Variants in HOMER1 observed in about 807,000 individuals in gnomAD.
The protein encoded by HOMER1 is homer scaffold protein 1.
In HOMER1, 3 loss-of-function variants were observed where a neutral mutation model predicts 48.9. The observed-to-expected ratio is 0.06, with a 90% CI of 0.03 to 0.16. The LOEUF (loss-of-function observed/expected upper bound fraction) is 0.16, where lower values mean the gene tolerates loss of function less well. HOMER1 is among the 10% of genes least tolerant of loss of function. The pLI is 1.00. For missense variants in HOMER1, 247 were observed against 411.4 expected, an observed-to-expected ratio of 0.60 and a Z score of 3.46; for synonymous variants, 134 against 146.4, an observed-to-expected ratio of 0.92 and a Z score of 0.61.
chr5:79,451,635 G>A (rs559603533), intron 2 of HOMER1, among the ~76,000 whole-genome samples: 12 of 136,640 alleles, frequency 8.8e-5, no homozygotes, highest in East Asian at 4.6e-4. Context: ...GCGTGATCTC[G>A]GCTAACTGCA....
chr5:79,427,612 ACCTTCCTT>A (rs1193230008), intron 5 of HOMER1, among the ~76,000 whole-genome samples: 2 of 151,598 alleles, frequency 1.3e-5, no homozygotes, highest in East Asian at 3.9e-4. Flanking sequence ...TATGTTTACA[ACCTTCCTT>A]CCTTCCTTTC....
At chr5:79,468,282 A>C (rs2112320509) in intron 1 of HOMER1, among the ~76,000 whole-genome samples, 1 of 152,334 alleles carries the variant, frequency 6.6e-6, no homozygotes, top group Admixed American at 6.5e-5. Flanking sequence ...ATGTGAATCT[A>C]CTTTTTCCAA....
At chr5:79,397,033 T>A in intron 7 of HOMER1, 130 bp from the exon 8 acceptor site, 2 of 577,918 alleles carry the variant, frequency 3.5e-6, no homozygotes, top group Non-Finnish European at 6.0e-6. Flanking sequence ...CATATTGACT[T>A]TTAGAGGGAT....
intron 1 of HOMER1, among the ~76,000 whole-genome samples, chr5:79,498,158 T>C (rs1028065402): frequency 6.6e-6 from 1 of 152,144 alleles, no homozygotes; most frequent in South Asian, 2.1e-4. Context: ...CCCTGCACTT[T>C]GGGAGGCTGA....
At chr5:79,406,147 C>T (rs559884581) in intron 5 of HOMER1, among the ~76,000 whole-genome samples, 16 of 152,148 alleles carry the variant, frequency 1.1e-4, no homozygotes, top group Admixed American at 2.6e-4. Context: ...TATTTTAAAA[C>T]GCTTGACTGT....
Position 79,456,885 on chromosome 5 carries a change from T to C in HOMER1, c.139A>G (p.Ile47Val). ...FYDSTRNVYR[I>V]ISLDGSKAII... The stretch of plus-strand genomic sequence containing the variant: ...ACCTTTGAGCCATCTAAACTGATTA[T>C]CCTATACACATTTCTTGTGCTGTCA... The change falls in exon 2 of 9, where the codon ATA becomes GTA. Residue 47 changes from isoleucine (I) to valine (V), a missense_variant. Around this residue, in one of 4 missense-constraint regions of HOMER1, gnomAD observed 38 missense variants for 114.9 expected, o/e 0.33. Transcript: ENST00000334082. 4 of 1,614,112 alleles carry C rather than the reference T, an allele frequency of 2.5e-6. No individual in the cohort carries two copies. Among genetic ancestry groups the C allele is most frequent in the South Asian group, 2.2e-5 (2 of 91,078 alleles).
intron 5 of HOMER1, among the ~76,000 whole-genome samples, chr5:79,434,873 C>T (rs1168147602): frequency 6.6e-6 from 1 of 152,052 alleles, no homozygotes; most frequent in Non-Finnish European, 1.5e-5. Context: ...TCTATAATGC[C>T]ACTGAATCAG....
intron 8 of HOMER1, among the ~76,000 whole-genome samples, chr5:79,390,995 A>G (rs530057446): frequency 6.6e-6 from 1 of 152,270 alleles, no homozygotes; most frequent in East Asian, 1.9e-4. Context: ...AAAGAATGAA[A>G]AAAAGGAATT....
intron 1 of HOMER1, among the ~76,000 whole-genome samples, chr5:79,508,850 C>T (rs1239851011): frequency 6.6e-6 from 1 of 152,184 alleles, no homozygotes; most frequent in African/African-American, 2.4e-5. Flanking sequence ...AAAGTATAAA[C>T]TCACTAAGGG....
In HOMER1 at chr5:79,373,294, T is replaced by C. The variant is rs1748680435; in HGVS notation, c.*2715A>G. On this transcript the variant is annotated 3_prime_UTR_variant, in exon 9 of 9. Transcript: ENST00000334082. ...GTATTTCAAAATAAAAACTGTATTT[T>C]TGCTTTTCTTTTTTTTTTTCAATTT... 6.6e-6 allele frequency: 1 copy of C among 152,046 alleles called. No homozygotes were observed. Among genetic ancestry groups the C allele is most frequent in the Non-Finnish European group, 1.5e-5 (1 of 67,958 alleles). 9.4% of individuals were successfully genotyped at this position (152,046 alleles called of 1,614,324 possible).
At chr5:79,475,994 T>C (rs1050974935) in intron 1 of HOMER1, among the ~76,000 whole-genome samples, 1 of 152,192 alleles carries the variant, frequency 6.6e-6, no homozygotes, top group African/African-American at 2.4e-5. Flanking sequence ...TATCAATAAC[T>C]TGTCACTTAC....
At chr5:79,467,782 G>A (rs1257076207) in intron 1 of HOMER1, among the ~76,000 whole-genome samples, 3 of 152,114 alleles carry the variant, frequency 2.0e-5, no homozygotes, top group East Asian at 1.9e-4. Flanking sequence ...AATATAGGCC[G>A]GTGTTTTGTT....
At chr5:79,427,726 C>T (rs1378066829) in intron 5 of HOMER1, among the ~76,000 whole-genome samples, 1 of 114,350 alleles carries the variant, frequency 8.7e-6, no homozygotes, top group African/African-American at 4.0e-5. Flanking sequence ...CCCTTCCTTC[C>T]TTCCCTTCCT....
At chr5:79,417,388 C>T (rs1169448867) in intron 5 of HOMER1, among the ~76,000 whole-genome samples, 2 of 152,152 alleles carry the variant, frequency 1.3e-5, no homozygotes, top group African/African-American at 4.8e-5. Context: ...GTGATCCGCC[C>T]GCCTCGGCCT....
intron 1 of HOMER1, among the ~76,000 whole-genome samples, chr5:79,508,434 A>T (rs1291607526): frequency 6.6e-6 from 1 of 152,228 alleles, no homozygotes; most frequent in East Asian, 1.9e-4. Context: ...AAAAACCTCT[A>T]AACACACTAA....
At chr5:79,452,655 C>T (rs1164758730) in intron 2 of HOMER1, among the ~76,000 whole-genome samples, 1 of 151,952 alleles carries the variant, frequency 6.6e-6, no homozygotes, top group Non-Finnish European at 1.5e-5. Flanking sequence ...TTGGAGAAGT[C>T]ATAAAAATGA....
At chr5:79,442,751 G>C (rs1165919556) in intron 4 of HOMER1, among the ~76,000 whole-genome samples, 1 of 152,192 alleles carries the variant, frequency 6.6e-6, no homozygotes, top group Non-Finnish European at 1.5e-5. Flanking sequence ...CAGAGGGCCT[G>C]ACAGAAAAAC....
At chr5:79,442,824 G>A (rs1231410430) in intron 4 of HOMER1, among the ~76,000 whole-genome samples, 2 of 152,114 alleles carry the variant, frequency 1.3e-5, no homozygotes, top group African/African-American at 2.4e-5. Context: ...ACAGCAAAAC[G>A]ATACATAAAG....
At chr5:79,451,555 A>AT in intron 2 of HOMER1, among the ~76,000 whole-genome samples, 1 of 100,282 alleles carries the variant, frequency 1.0e-5, no homozygotes, top group Non-Finnish European at 1.9e-5. Flanking sequence ...AAAATATGAC[A>AT]CTTTTTTTTT....
Sources: gnomAD v4.1 joint callset for allele counts (sites outside exome capture counted in the v4.1 genomes callset) on GRCh38, gnomAD v4.1.1 for gene constraint, gnomAD v4.1.1 regional missense constraint, MANE v1.5 for transcripts, NCBI Gene and HGNC (gene_info 2026-07-23, HGNC 2026-07-21) for gene names.